Variants in C2CD5 observed in about 807,000 individuals in gnomAD.
The protein encoded by C2CD5 is C2 domain-containing protein 5.
Under a neutral mutation model 130.3 loss-of-function variants are expected in C2CD5, and 109 were observed. The ratio of observed to expected loss-of-function variants is 0.84; its 90% CI spans 0.72 to 0.98. The LOEUF (loss-of-function observed/expected upper bound fraction) is 0.98. Ranked by LOEUF, C2CD5 falls within the 50% of genes least tolerant of loss-of-function variation. The pLI is 0.00. For missense variants in C2CD5, 996 were observed against 1,261.8 expected, an observed-to-expected ratio of 0.79 and a Z score of 3.19; for synonymous variants, 454 against 429.2, an observed-to-expected ratio of 1.06 and a Z score of -0.71.
chr12:22,527,710 T>G lies in C2CD5; in HGVS notation c.349+11A>C. On this transcript the variant is annotated intron_variant, in intron 4 of 26. Transcript: ENST00000446597. Reference sequence around the variant, plus strand: ...GATTGTTATTTATAATACTTTCTTATTATTCCTTACCATGTATGGTGTCAT... The same window carrying G: ...GATTGTTATTTATAATACTTTCTTAGTATTCCTTACCATGTATGGTGTCAT... The G allele has an allele frequency of 7.1e-7, 1 of 1,408,348 alleles. No homozygotes were observed. The allele number at this position is 1,408,348 out of a possible 1,614,324, so 87.2% of individuals were successfully genotyped here.
At chr12:22,455,524 G>A (rs1231102810) in intron 25 of C2CD5, among the ~76,000 whole-genome samples, 1 of 152,130 alleles carries the variant, frequency 6.6e-6, no homozygotes, top group Non-Finnish European at 1.5e-5. Context: ...AGTAGAAAAG[G>A]TTAATTCATA....
At chr12:22,540,487 A>C (rs1311994704) in intron 2 of C2CD5, among the ~76,000 whole-genome samples, 1 of 152,198 alleles carries the variant, frequency 6.6e-6, no homozygotes, top group African/African-American at 2.4e-5. Flanking sequence ...TCTAATACAT[A>C]CAAAGGCTGA....
intron 10 of C2CD5, among the ~76,000 whole-genome samples, chr12:22,501,087 A>T (rs1167384925): frequency 6.6e-6 from 1 of 152,226 alleles, no homozygotes; most frequent in African/African-American, 2.4e-5. Context: ...TATTTTTCCT[A>T]AACAAGTATG....
At position 22,544,348 on chromosome 12, in the gene C2CD5, G is replaced by A. The variant is rs1307061156; in HGVS notation, c.-58C>T. ...CGCAGGAGGAAGGGTGCTGTCCCGC[G>A]CGGGTGCTGAGACCTCATTCCGGAG... On this transcript the variant is annotated 5_prime_UTR_variant, in exon 1 of 27. Transcript: ENST00000446597. 2.1e-6 allele frequency: 1 copy of A among 487,230 alleles called. No individual in the cohort carries two copies. Among genetic ancestry groups the A allele is most frequent in the Admixed American group, 4.3e-5 (1 of 23,014 alleles). 30.2% of individuals were successfully genotyped at this position (487,230 alleles called of 1,614,324 possible).
At chr12:22,542,926 G>A (rs1952542414) in intron 2 of C2CD5, among the ~76,000 whole-genome samples, 1 of 152,168 alleles carries the variant, frequency 6.6e-6, no homozygotes, top group South Asian at 2.1e-4. Context: ...TAGGCTGTGT[G>A]GGTCAATGTC....
intron 11 of C2CD5, among the ~76,000 whole-genome samples, chr12:22,491,933 A>T (rs541640862): frequency 6.6e-6 from 1 of 152,152 alleles, no homozygotes; most frequent in Admixed American, 6.5e-5. Flanking sequence ...AAAGTTTATG[A>T]CATTAAAACC....
intron 3 of C2CD5, among the ~76,000 whole-genome samples, chr12:22,533,192 A>G (rs1457836349): frequency 2.6e-5 from 4 of 152,180 alleles, no homozygotes; most frequent in African/African-American, 4.8e-5. Flanking sequence ...GGGAGAATGT[A>G]AGATGGAGGT....
rs1472195991 is a variant in C2CD5 at position 22,530,077 on chromosome 12, T to C, written c.178-2185A>G. ...TTGCTTAAGACATGTATTTGAGTGC[T>C]ATATATATATATATATATATATATA... On this transcript the variant is annotated intron_variant, in intron 3 of 26. Coordinates refer to ENST00000446597, the MANE Select transcript of C2CD5 (RefSeq NM_001286176.2). 3.0e-3 allele frequency among the ~76,000 whole-genome samples: 165 copies of C among 54,304 alleles called. 1 individual carries two copies. The highest frequency in any genetic ancestry group is 0.023 in the Middle Eastern group (3 of 132). 35.6% of individuals were successfully genotyped at this position (54,304 alleles called of 152,430 possible).
rs558948753 is a variant in C2CD5, at chr12:22,449,532, T to A, written c.*228A>T. On this transcript the variant is annotated 3_prime_UTR_variant, in exon 27 of 27. Coordinates refer to ENST00000446597, the MANE Select transcript of C2CD5 (RefSeq NM_001286176.2). ...TTGCTACGGTTCTTTTAAAAATTTATCTTAACTTACTGAAGGGTCAAGACC... is the reference window on the plus strand; with the variant it reads ...TTGCTACGGTTCTTTTAAAAATTTAACTTAACTTACTGAAGGGTCAAGACC... 2.8e-6 allele frequency: 1 copy of A among 358,026 alleles called. No homozygotes were observed. The highest frequency in any genetic ancestry group is 5.0e-6 in the Non-Finnish European group (1 of 198,280). 22.2% of individuals were successfully genotyped at this position (358,026 alleles called of 1,614,324 possible).
At chr12:22,478,874 CA>C (rs921376407) in intron 14 of C2CD5, among the ~76,000 whole-genome samples, 1 of 149,556 alleles carries the variant, frequency 6.7e-6, no homozygotes, top group African/African-American at 2.4e-5. Context: ...GAAAAAAAAA[CA>C]AGAATGTGAT....
chr12:22,533,748 C>T lies in C2CD5; in HGVS notation c.177+1510G>A, dbSNP rs1005612723. Among the ~76,000 whole-genome samples the T allele has an allele frequency of 3.9e-5, 6 of 152,284 alleles. No homozygotes were observed. The East Asian group carries it at 5.8e-4, about 15-fold the overall frequency. On this transcript the variant is annotated intron_variant, in intron 3 of 26. Transcript: ENST00000446597. ...GGGAGGCTCTCCTTTTGGAGAAGTC[C>T]CCTCAGATCACCAGGCCATGAGCCA...
chr12:22,487,162 A>G (rs1945653499), intron 12 of C2CD5, among the ~76,000 whole-genome samples: 1 of 152,188 alleles, frequency 6.6e-6, no homozygotes, highest in Admixed American at 6.5e-5. Flanking sequence ...CTTCATGTCT[A>G]AAACACCAAA....
At chr12:22,469,413 T>C (rs1465192630) in intron 22 of C2CD5, among the ~76,000 whole-genome samples, 2 of 152,144 alleles carry the variant, frequency 1.3e-5, no homozygotes, top group African/African-American at 2.4e-5. Flanking sequence ...AAGTATTCTA[T>C]GTGTGAATAG....
intron 22 of C2CD5, among the ~76,000 whole-genome samples, chr12:22,465,636 T>TC (rs916934118): frequency 1.2e-4 from 18 of 151,826 alleles, no homozygotes; most frequent in Admixed American, 3.9e-4. Flanking sequence ...CAACCCAGAT[T>TC]CCCCCCCATT....
At position 22,544,323 on chromosome 12, in the gene C2CD5, C is replaced by T. The variant is rs559420397; in HGVS notation, c.-33G>A. ...CGCGCCACGGGTCGCCACTCACTGT[C>T]GCAGGAGGAAGGGTGCTGTCCCGCG... On this transcript the variant is annotated 5_prime_UTR_variant, in exon 1 of 27. Transcript: ENST00000446597. 8.3e-5 allele frequency: 44 copies of T among 533,120 alleles called. No individual in the cohort carries two copies. The highest frequency in any genetic ancestry group is 6.1e-4 in the South Asian group (25 of 41,268). 33.0% of individuals were successfully genotyped at this position (533,120 alleles called of 1,614,324 possible). A position where few individuals can be genotyped will look rare whatever the true frequency, so the allele number is the denominator to read the frequency against.
intron 3 of C2CD5, among the ~76,000 whole-genome samples, chr12:22,532,189 G>A (rs1016772071): frequency 2.0e-5 from 3 of 152,042 alleles, no homozygotes; most frequent in Non-Finnish European, 2.9e-5. Flanking sequence ...AATTAGCCAG[G>A]TGTGGTGGCG....
intron 11 of C2CD5, among the ~76,000 whole-genome samples, chr12:22,492,116 C>T (rs369417986): frequency 6.6e-6 from 1 of 152,196 alleles, no homozygotes; most frequent in South Asian, 2.1e-4. Flanking sequence ...GTAATGACCA[C>T]ATTTACTACA....
chr12:22,532,200 C>T (rs1052900175), intron 3 of C2CD5, among the ~76,000 whole-genome samples: 5 of 151,956 alleles, frequency 3.3e-5, no homozygotes, highest in Non-Finnish European at 7.4e-5. Context: ...TGTGGTGGCG[C>T]ATGACTGTAC....
chr12:22,460,337 C>A (rs1198314955), intron 22 of C2CD5, among the ~76,000 whole-genome samples: 1 of 152,128 alleles, frequency 6.6e-6, no homozygotes, highest in Non-Finnish European at 1.5e-5. Flanking sequence ...AAGAATAGTC[C>A]TGCCAATTTA....
Sources: allele counts gnomAD v4.1 joint callset (sites outside exome capture counted in the v4.1 genomes callset), GRCh38; gene constraint gnomAD v4.1.1; transcripts MANE v1.5; gene names NCBI Gene and HGNC (gene_info 2026-07-23, HGNC 2026-07-21).